The following WIPF1 variants were observed in gnomAD, a reference collection of about 807,000 sequenced individuals.
WIPF1 encodes WAS/WASL-interacting protein family member 1.
In WIPF1, 13 loss-of-function variants were observed where a neutral mutation model predicts 35.4. That is an observed-to-expected ratio of 0.37 (90% CI 0.24 to 0.58). The LOEUF (loss-of-function observed/expected upper bound fraction) is 0.58. Ranked by LOEUF, WIPF1 falls within the 20% of genes least tolerant of loss-of-function variation. The probability of loss-of-function intolerance (pLI) is 0.74; values close to 1 mark genes in which losing one functional copy is unlikely to be tolerated. For synonymous variants in WIPF1, 267 were observed against 266.3 expected (o/e 1.00, Z -0.02); for missense variants, 591 against 667.0 (o/e 0.89, Z 1.25).
At chr2:174,578,955 C>T (rs1215149389) in intron 3 of WIPF1, among the ~76,000 whole-genome samples, 3 of 152,220 alleles carry the variant, frequency 2.0e-5, no homozygotes, top group African/African-American at 4.8e-5. Flanking sequence ...TCACAGGACA[C>T]GTTTACATGG....
intron 1 of WIPF1, among the ~76,000 whole-genome samples, chr2:174,649,834 A>G (rs745532824): frequency 3.9e-5 from 6 of 152,230 alleles, no homozygotes; most frequent in African/African-American, 7.2e-5. Flanking sequence ...ATAATTCTGA[A>G]TAGACGTAAT....
Position 174,562,346 on chromosome 2 carries a change from G to T in WIPF1, c.*201C>A. On this transcript the variant is annotated 3_prime_UTR_variant, in exon 8 of 8. Coordinates refer to ENST00000679041, the MANE Select transcript of WIPF1 (RefSeq NM_001375834.1). The stretch of plus-strand genomic sequence containing the variant: ...CAGGCTGCAGCTGAAGCAAGCAATA[G>T]CCTGGAGAATAAACACAATATGAAA... 2 of 1,482,888 alleles carry T rather than the reference G, an allele frequency of 1.3e-6. No homozygotes were observed. Among genetic ancestry groups the T allele is most frequent in the South Asian group, 1.4e-5 (1 of 72,354 alleles). 91.9% of individuals were successfully genotyped at this position (1,482,888 alleles called of 1,614,324 possible).
chr2:174,580,667 T>A (rs1685206657), intron 3 of WIPF1, among the ~76,000 whole-genome samples: 1 of 152,232 alleles, frequency 6.6e-6, no homozygotes, highest in African/African-American at 2.4e-5. Context: ...TCATGGATTA[T>A]TTTTTGTCCT....
At chr2:174,654,810 T>A (rs368996179) in intron 1 of WIPF1, among the ~76,000 whole-genome samples, 1 of 152,018 alleles carries the variant, frequency 6.6e-6, no homozygotes, top group Non-Finnish European at 1.5e-5. Flanking sequence ...AGTCCTGAAC[T>A]GTGCATCACC....
At chr2:174,679,420 A>G (rs1475387993) in intron 1 of WIPF1, among the ~76,000 whole-genome samples, 1 of 152,018 alleles carries the variant, frequency 6.6e-6, no homozygotes, top group Non-Finnish European at 1.5e-5. Flanking sequence ...GTGAGCTGAG[A>G]TCATGCCATT....
upstream of WIPF1, among the ~76,000 whole-genome samples, chr2:174,599,152 T>C (rs1685912895): frequency 6.6e-6 from 1 of 152,062 alleles, no homozygotes; most frequent in Non-Finnish European, 1.5e-5. Context: ...CTGGGCTAGA[T>C]GAGTAATTTT....
At chr2:174,633,637 G>T (rs1259738532) in intron 1 of WIPF1, among the ~76,000 whole-genome samples, 1 of 152,222 alleles carries the variant, frequency 6.6e-6, no homozygotes, top group East Asian at 1.9e-4. Context: ...TAATTAAACT[G>T]TCCCTCATTG....
intron 2 of WIPF1, among the ~76,000 whole-genome samples, chr2:174,584,463 G>C (rs1175556627): frequency 6.6e-6 from 1 of 152,166 alleles, no homozygotes; most frequent in African/African-American, 2.4e-5. Context: ...TGAAAATGAA[G>C]GAACCATCAG....
chr2:174,606,353 C>T (rs1686164441), intron 1 of WIPF1, among the ~76,000 whole-genome samples: 2 of 152,064 alleles, frequency 1.3e-5, no homozygotes, highest in Non-Finnish European at 2.9e-5. Context: ...ATAACATGTA[C>T]TAAACATTTG....
In WIPF1 at chr2:174,561,225, T is replaced by A. The variant is rs919943373; in HGVS notation, c.*1322A>T. ...CAATTTCCACTAGCAATCTCCCTAA[T>A]TCGCTCAACCCTTACATAAGCATCA... On this transcript the variant is annotated 3_prime_UTR_variant, in exon 8 of 8. Coordinates refer to ENST00000679041, the MANE Select transcript of WIPF1 (RefSeq NM_001375834.1). 1 of 152,644 alleles carries A rather than the reference T, an allele frequency of 6.6e-6. No individual in the cohort carries two copies. Among genetic ancestry groups the A allele is most frequent in the African/African-American group, 2.4e-5 (1 of 41,478 alleles). 9.5% of individuals were successfully genotyped at this position (152,644 alleles called of 1,614,324 possible).
intron 1 of WIPF1, among the ~76,000 whole-genome samples, chr2:174,593,983 G>A (rs907068916): frequency 6.6e-6 from 1 of 152,194 alleles, no homozygotes; most frequent in Non-Finnish European, 1.5e-5. Flanking sequence ...AGCTTTATTA[G>A]CAAATCAGCA....
chr2:174,591,512 A>G (rs535593510), intron 1 of WIPF1, among the ~76,000 whole-genome samples: 35 of 152,380 alleles, frequency 2.3e-4, no homozygotes, highest in African/African-American at 8.4e-4. Flanking sequence ...TGAATGAATC[A>G]TTCAAAAATA....
At chr2:174,625,448 C>A (rs1003746213) in intron 1 of WIPF1, among the ~76,000 whole-genome samples, 11 of 152,274 alleles carry the variant, frequency 7.2e-5, no homozygotes, top group African/African-American at 2.6e-4. Flanking sequence ...TTCTGGAAAG[C>A]AGGCTGGGGG....
intron 1 of WIPF1, chr2:174,665,721 C>T (rs1687877092): frequency 6.6e-6 from 1 of 152,054 alleles, no homozygotes; most frequent in African/African-American, 2.4e-5. Flanking sequence ...GTTTATCTAT[C>T]CTGTATACAC....
At chr2:174,646,337 G>T (rs528297005) in intron 1 of WIPF1, among the ~76,000 whole-genome samples, 1 of 152,130 alleles carries the variant, frequency 6.6e-6, no homozygotes. Context: ...TATCACTCCC[G>T]AAAGAAAGAA....
intron 1 of WIPF1, among the ~76,000 whole-genome samples, chr2:174,643,879 C>G (rs77274057): frequency 0.019 from 2,828 of 151,876 alleles, 40 homozygotes; most frequent in Non-Finnish European, 0.028. Flanking sequence ...TATTACTGTC[C>G]TGATTTTTGT....
At chr2:174,594,718 T>C (rs1053347696) in intron 1 of WIPF1, among the ~76,000 whole-genome samples, 2 of 127,578 alleles carry the variant, frequency 1.6e-5, no homozygotes, top group Non-Finnish European at 3.5e-5. Context: ...CACACACACA[T>C]ACACACACAG....
chr2:174,571,920 AG>A lies in WIPF1; in HGVS notation c.884del (p.Pro295LeufsTer75). On this transcript the variant is annotated frameshift_variant, in exon 5 of 8. Transcript: ENST00000679041. LOFTEE classifies it high-confidence loss of function. This position sits in a 1 kb window ranked among gnomAD's most constrained non-coding sequence, Gnocchi z 4.6. ...PPPQNNKPPVPSTPRPSASSQ... is the reference protein window; with the variant it reads ...PPPQNNKPPVXSTPRPSASSQ... ...AGGAGGCCGAAGGCCGCGGAGTGGA[AG>A]GCACTGGAGGCTTGTTGTTCTGAGG... 6.2e-7 allele frequency: 1 copy of A among 1,604,354 alleles called. No individual in the cohort carries two copies. Among genetic ancestry groups the A allele is most frequent in the Non-Finnish European group, 8.5e-7 (1 of 1,175,488 alleles).
chr2:174,567,734 G>A, intron 6 of WIPF1, 127 bp downstream of exon 6: 1 of 1,022,514 alleles, frequency 9.8e-7, no homozygotes, highest in Non-Finnish European at 1.4e-6. Flanking sequence ...TAGATAGTTA[G>A]ATCAGTGCAA....
Sources: gnomAD v4.1 joint callset for allele counts (sites outside exome capture counted in the v4.1 genomes callset) on GRCh38, gnomAD v4.1.1 for gene constraint, Gnocchi (gnomAD v3.1) non-coding constraint, MANE v1.5 for transcripts, NCBI Gene and HGNC (gene_info 2026-07-23, HGNC 2026-07-21) for gene names.